Variants in ZNF718 observed in about 807,000 individuals in gnomAD.
ZNF718 encodes zinc finger protein 718.
ZNF718 carries 3 observed loss-of-function variants against 2.6 expected under a neutral mutation model. The ratio of observed to expected loss-of-function variants is 1.16; its 90% confidence interval spans 0.53 to 3.01. The LOEUF is 3.01. Ranked by LOEUF, ZNF718 falls within the 30% of genes most tolerant of loss-of-function variation. ZNF718 has a pLI of 0.03. For missense variants in ZNF718, 468 were observed against 230.0 expected (o/e 2.03, Z -6.69); for synonymous variants, 135 against 77.9 (o/e 1.73, Z -3.86).
Position 161,171 on chromosome 4 carries a change from G to T in ZNF718, c.486G>T (p.Lys162Asn). The change falls in exon 4 of 4, where the codon AAG becomes AAT. Residue 162 changes from lysine (K) to asparagine (N), a missense_variant. By Grantham distance (94) the Lys-to-Asn change is moderately conservative (BLOSUM62 0). Transcript: ENST00000510175. ...AATTTTCAAATTCAAACAAAGATAA[G>T]ATAAGATATACTGGAGATAAAACCT... ...FHKFSNSNKD[K>N]IRYTGDKTFK... is the part of the protein sequence containing the mutation. 1 of 765,416 alleles carries T rather than the reference G, an allele frequency of 1.3e-6. No individual in the cohort carries two copies. The highest frequency in any genetic ancestry group is 2.4e-6 in the Non-Finnish European group (1 of 410,506). 47.4% of individuals were successfully genotyped at this position (765,416 alleles called of 1,614,324 possible).
In ZNF718 at chr4:175,520, G is replaced by C. The variant is rs80164326; in HGVS notation, c.227-25561G>C. Among the ~76,000 whole-genome samples, 354 of 152,234 alleles carry C rather than the reference G, an allele frequency of 2.3e-3. 1 individual carries two copies. Among genetic ancestry groups the C allele is most frequent in the African/African-American group, 8.0e-3 (331 of 41,522 alleles). The stretch of plus-strand genomic sequence containing the variant: ...TTAAAGTAGGGCAATCCCAATATTG[G>C]CAATCTTATTTGCAGGGGCACTGTT... On this transcript the variant is annotated intron_variant and NMD_transcript_variant, in intron 3 of 4. Transcript: ENST00000642529.
intron 3 of ZNF718, among the ~76,000 whole-genome samples, chr4:199,444 C>T (rs1216404945): frequency 1.3e-5 from 2 of 152,090 alleles, no homozygotes; most frequent in African/African-American, 4.8e-5. Context: ...GGATTTTAGT[C>T]CTGGGGACAC....
intron 3 of ZNF718, among the ~76,000 whole-genome samples, chr4:158,400 AATATT>A (rs1716672126): frequency 6.6e-6 from 1 of 151,880 alleles, no homozygotes; most frequent in African/African-American, 2.4e-5. Flanking sequence ...AAGGCTTACT[AATATT>A]ATTTTATTGT....
chr4:147,406 C>T (rs1439632791), intron 3 of ZNF718, among the ~76,000 whole-genome samples: 1 of 152,120 alleles, frequency 6.6e-6, no homozygotes, highest in African/African-American at 2.4e-5. Context: ...TCTGTTGGAT[C>T]TCTGGACTGA....
chr4:127,022 C>T (rs1403660148), intron 1 of ZNF718, among the ~76,000 whole-genome samples: 1 of 152,092 alleles, frequency 6.6e-6, no homozygotes, highest in African/African-American at 2.4e-5. Context: ...GACGGGGTTT[C>T]GCCATGTTGG....
chr4:196,384 AG>A, intron 3 of ZNF718, among the ~76,000 whole-genome samples: 1 of 152,324 alleles, frequency 6.6e-6, no homozygotes, highest in South Asian at 2.1e-4. Context: ...TTCATAGCCT[AG>A]GGGCATAAAG....
rs142199477 is a variant in ZNF718 at position 177,941 on chromosome 4, C to T, written c.227-23140C>T. ...AAAATCTCATGCTCCAAAGACAACC[C>T]GAAACATGTATGCTAAATTGAGCAG... On this transcript the variant is annotated intron_variant and NMD_transcript_variant, in intron 3 of 4. Transcript: ENST00000642529. 2.0e-4 allele frequency among the ~76,000 whole-genome samples: 30 copies of T among 152,036 alleles called. No homozygotes were observed. The East Asian group carries it at 5.2e-3, about 27-fold the overall frequency.
downstream of ZNF718, among the ~76,000 whole-genome samples, chr4:167,915 C>T (rs1419607789): frequency 6.6e-6 from 1 of 152,126 alleles, no homozygotes; most frequent in Non-Finnish European, 1.5e-5. Flanking sequence ...GAGAGGGCAT[C>T]CCTGTCTTGT....
chr4:136,520 A>G (rs1581427329), intron 3 of ZNF718: 1 of 519,206 alleles, frequency 1.9e-6, no homozygotes, highest in South Asian at 1.4e-5. Flanking sequence ...ATCTGCAGCC[A>G]TGTCTATGGG....
chr4:188,601 G>A (rs1405440426), intron 3 of ZNF718, among the ~76,000 whole-genome samples: 4 of 152,186 alleles, frequency 2.6e-5, no homozygotes, highest in African/African-American at 7.2e-5. Flanking sequence ...GAAATCCCAG[G>A]ACTGAAGTGT....
intron 1 of ZNF718, among the ~76,000 whole-genome samples, chr4:126,700 T>TC (rs1553808087): frequency 6.6e-6 from 1 of 152,250 alleles, no homozygotes; most frequent in African/African-American, 2.4e-5. Flanking sequence ...TGACTTTTTT[T>TC]CTGTGTTTGC....
At chr4:177,234 AACCACTGCT>A (rs1185496579) in intron 3 of ZNF718, among the ~76,000 whole-genome samples, 1 of 152,186 alleles carries the variant, frequency 6.6e-6, no homozygotes, top group African/African-American at 2.4e-5. Flanking sequence ...ATAAAATAGA[AACCACTGCT>A]CAAACTCTAA....
intron 3 of ZNF718, among the ~76,000 whole-genome samples, chr4:151,047 T>C (rs1716295314): frequency 6.6e-6 from 1 of 152,192 alleles, no homozygotes; most frequent in Non-Finnish European, 1.5e-5. Context: ...TACAACTGTA[T>C]TTGTTTTCTT....
intron 3 of ZNF718, among the ~76,000 whole-genome samples, chr4:173,958 GAACA>G (rs1717297333): frequency 6.6e-6 from 1 of 152,178 alleles, no homozygotes; most frequent in African/African-American, 2.4e-5. Flanking sequence ...CAAAGGCTTG[GAACA>G]AACACAATTT....
chr4:133,195 A>AAAAAT (rs1258303094), intron 3 of ZNF718, among the ~76,000 whole-genome samples: 3 of 20,780 alleles, frequency 1.4e-4, no homozygotes, highest in South Asian at 2.1e-3. Context: ...AAAAAAAAAA[A>AAAAAT]ATATATATAT....
intron 3 of ZNF718, among the ~76,000 whole-genome samples, chr4:175,996 A>T (rs1478667263): frequency 1.3e-5 from 2 of 151,758 alleles, no homozygotes; most frequent in Non-Finnish European, 2.9e-5. Flanking sequence ...AGCTGGGACT[A>T]CAGGCAGTCT....
At chr4:196,004 T>A (rs1229058058) in intron 3 of ZNF718, among the ~76,000 whole-genome samples, 1 of 151,984 alleles carries the variant, frequency 6.6e-6, no homozygotes, top group Non-Finnish European at 1.5e-5. Flanking sequence ...TGCTTCTCTT[T>A]CCTCTCTCTC....
intron 3 of ZNF718, among the ~76,000 whole-genome samples, chr4:199,109 G>C (rs1717848084): frequency 6.6e-6 from 1 of 152,160 alleles, no homozygotes; most frequent in African/African-American, 2.4e-5. Flanking sequence ...AAGCTGGCTG[G>C]GTTTAGATCC....
intron 1 of ZNF718, among the ~76,000 whole-genome samples, chr4:126,029 G>GCCTGTA (rs1715196629): frequency 6.6e-6 from 1 of 152,320 alleles, no homozygotes; most frequent in Admixed American, 6.5e-5. Context: ...CCCTGCCTGG[G>GCCTGTA]CCTGTACCTG....
Sources: gnomAD v4.1 joint callset for allele counts (sites outside exome capture counted in the v4.1 genomes callset) on GRCh38, gnomAD v4.1.1 for gene constraint, MANE v1.5 for transcripts, NCBI Gene and HGNC (gene_info 2026-07-23, HGNC 2026-07-21) for gene names.